The following AACS variants were observed in gnomAD, a reference collection of about 807,000 sequenced individuals.
The protein encoded by AACS is acetoacetyl-CoA synthetase, also known as acetoacetate-CoA ligase.
A neutral mutation model predicts 83.1 loss-of-function variants in AACS; 69 were observed. The ratio of observed to expected loss-of-function variants is 0.83; its 90% confidence interval spans 0.68 to 1.01. The LOEUF is 1.01. AACS is among the 50% of genes least tolerant of loss of function. AACS has a pLI of 0.00. For missense variants in AACS, 866 were observed against 882.2 expected, an observed-to-expected ratio of 0.98 and a Z score of 0.23; for synonymous variants, 333 against 343.4, an observed-to-expected ratio of 0.97 and a Z score of 0.33.
At chr12:125,091,278 C>A in intron 4 of AACS, 148 bp from the exon 5 acceptor site, 1 of 711,462 alleles carries the variant, frequency 1.4e-6, no homozygotes, top group Non-Finnish European at 2.4e-6. Context: ...GGCGATTCAT[C>A]TGGGCGGGGG....
At chr12:125,118,600 G>C in intron 9 of AACS, 41 bp from the exon 10 acceptor site, 1 of 1,610,990 alleles carries the variant, frequency 6.2e-7, no homozygotes. Flanking sequence ...GGGGGGAGCT[G>C]CCTAGCGCCC....
chr12:125,119,552 C>A (rs182869748), intron 10 of AACS, among the ~76,000 whole-genome samples: 63 of 152,360 alleles, frequency 4.1e-4, no homozygotes, highest in Non-Finnish European at 6.5e-4. Context: ...GCATGTCTTA[C>A]ATGGCAACAG....
At chr12:125,138,090 G>A (rs1282421215) in intron 17 of AACS, among the ~76,000 whole-genome samples, 1 of 152,156 alleles carries the variant, frequency 6.6e-6, no homozygotes, top group Non-Finnish European at 1.5e-5. Context: ...GCACGACAAC[G>A]GTGTGCAATC....
intron 14 of AACS, 120 bp from the exon 15 acceptor site, chr12:125,133,883 C>A: frequency 1.0e-6 from 1 of 971,198 alleles, no homozygotes; most frequent in East Asian, 2.6e-5. Context: ...CCCCCAGCCC[C>A]ATGCCAGACC....
chr12:125,125,060 C>A (rs926990806), intron 12 of AACS, 36 bp downstream of exon 12: 3 of 1,613,256 alleles, frequency 1.9e-6, no homozygotes, highest in South Asian at 1.1e-5. Context: ...TCCAGCCATC[C>A]CCGCCGGCCC....
intron 16 of AACS, chr12:125,136,117 A>G: frequency 6.5e-6 from 1 of 153,120 alleles, no homozygotes; most frequent in Admixed American, 6.4e-5. Flanking sequence ...TGGCGCCATC[A>G]TAACTCACTG....
chr12:125,120,624 C>G (rs1413356134), intron 10 of AACS: 2 of 152,102 alleles, frequency 1.3e-5, no homozygotes, highest in South Asian at 2.1e-4. Context: ...ATTGGTGTGT[C>G]GGGGAGGCAG....
At chr12:125,078,820 CAAAAAAA>C (rs71092270) in intron 3 of AACS, among the ~76,000 whole-genome samples, 18 of 52,042 alleles carry the variant, frequency 3.5e-4, no homozygotes, top group South Asian at 2.0e-3. Flanking sequence ...GACTCCGTCT[CAAAAAAA>C]AAAAAAAAAA....
chr12:125,100,436 C>T (rs12307441), intron 5 of AACS, among the ~76,000 whole-genome samples: 4,088 of 152,276 alleles, frequency 0.027, 162 homozygotes, highest in African/African-American at 0.091. Flanking sequence ...AATTGTTTTC[C>T]TGTTGTGTTT....
At chr12:125,132,997 A>G (rs1957348315) in intron 14 of AACS, among the ~76,000 whole-genome samples, 1 of 152,214 alleles carries the variant, frequency 6.6e-6, no homozygotes, top group Non-Finnish European at 1.5e-5. Context: ...AAGACACAGA[A>G]GCTGGCTTCT....
chr12:125,088,991 C>T (rs531006452), intron 4 of AACS, among the ~76,000 whole-genome samples: 88 of 152,306 alleles, frequency 5.8e-4, no homozygotes, highest in African/African-American at 1.6e-3. Flanking sequence ...GCTCCGTTTT[C>T]CTTTGTCTGT....
At chr12:125,141,515 G>C (rs892480142) in intron 17 of AACS, 1 of 152,810 alleles carries the variant, frequency 6.5e-6, no homozygotes, top group Non-Finnish European at 1.5e-5. Flanking sequence ...GACCATCCTG[G>C]TGAAACCCCA....
Position 125,076,501 on chromosome 12 carries a change from C to A in AACS, c.248C>A (p.Thr83Lys). Reference protein sequence around the residue: ...FSRVYDEVVDTSKGIADVPEW... With the variant: ...FSRVYDEVVDKSKGIADVPEW... ...TGTCATTCTCTATAGGTTGTGGACA[C>A]ATCGAAAGGAATCGCAGATGTCCCC... Residue 83 changes from threonine to lysine, a missense_variant, in exon 3 of 18, where the codon ACA becomes AAA. Coordinates refer to ENST00000316519, the MANE Select transcript of AACS (RefSeq NM_023928.5). 6.2e-7 allele frequency: 1 copy of A among 1,614,132 alleles called. No homozygotes were observed. The highest frequency in any genetic ancestry group is 8.5e-7 in the Non-Finnish European group (1 of 1,180,004).
intron 3 of AACS, among the ~76,000 whole-genome samples, chr12:125,076,913 TGAGGCTGGGTGCA>T (rs959913279): frequency 1.3e-5 from 2 of 152,076 alleles, no homozygotes; most frequent in Non-Finnish European, 2.9e-5. Flanking sequence ...AAAATAAAGT[TGAGGCTGGGTGCA>T]GAGGCCGGGT....
chr12:125,107,354 G>A (rs551327816), intron 8 of AACS, 86 bp downstream of exon 8: 5 of 1,541,314 alleles, frequency 3.2e-6, no homozygotes, highest in African/African-American at 2.7e-5. Context: ...CAGTGTTGGA[G>A]TTGTCAAACT....
intron 17 of AACS, among the ~76,000 whole-genome samples, chr12:125,137,551 A>C (rs1420998557): frequency 6.6e-6 from 1 of 152,204 alleles, no homozygotes; most frequent in Non-Finnish European, 1.5e-5. Context: ...CTGCTGGTAC[A>C]GACAAGACTT....
chr12:125,103,441 G>A (rs113330721), intron 7 of AACS, among the ~76,000 whole-genome samples: 1,322 of 130,098 alleles, frequency 0.01, 10 homozygotes, highest in African/African-American at 0.014. Flanking sequence ...CACTGCACAC[G>A]CATGCACACG....
chr12:125,138,439 A>C (rs2136144229), intron 17 of AACS: 1 of 152,190 alleles, frequency 6.6e-6, no homozygotes, highest in Non-Finnish European at 1.5e-5. Context: ...TTTTCTGATG[A>C]GGGTCTAAGG....
intron 4 of AACS, among the ~76,000 whole-genome samples, chr12:125,086,995 TGGAGGCAGCAAGCA>T (rs952504974): frequency 2.6e-5 from 4 of 151,896 alleles, no homozygotes; most frequent in African/African-American, 9.7e-5. Context: ...GCCACAGGCC[TGGAGGCAGCAAGCA>T]GGAGGCGTCT....
Sources: gnomAD v4.1 joint callset for allele counts (sites outside exome capture counted in the v4.1 genomes callset) on GRCh38, gnomAD v4.1.1 for gene constraint, MANE v1.5 for transcripts, NCBI Gene and HGNC (gene_info 2026-07-23, HGNC 2026-07-21) for gene names.